TNRC6B: variants seen among roughly 807,000 people sequenced by gnomAD.
The protein encoded by TNRC6B is trinucleotide repeat containing adaptor 6B, also known as trinucleotide repeat-containing gene 6B protein.
A neutral mutation model predicts 203.6 loss-of-function variants in TNRC6B; 52 were observed. The observed-to-expected ratio is 0.26, with a 90% confidence interval of 0.20 to 0.32. The LOEUF (loss-of-function observed/expected upper bound fraction) is 0.32, where lower values mean the gene tolerates loss of function less well. Among genes scored for constraint, TNRC6B ranks in the 10% least tolerant of loss-of-function variants. The pLI is 1.00. For synonymous variants in TNRC6B, 838 were observed against 845.7 expected (o/e 0.99, Z 0.16); for missense variants, 1,923 against 2,286.2 (o/e 0.84, Z 3.24).
rs370694901 is a variant in TNRC6B, at chr22:40,178,188, C to A, written c.5+48C>A. 4 of 1,603,234 alleles carry A rather than the reference C, an allele frequency of 2.5e-6. No individual in the cohort carries two copies. In the African/African-American group the frequency reaches 4.0e-5, roughly 16 times the overall value. ...TTTTAACCAATTGATTTATATGGAT[C>A]TTGTCTAACCGTTTTCACTGGTGGT... On this transcript the variant is annotated intron_variant, in intron 1 of 22. Transcript: ENST00000454349.
chr22:40,179,257 A>G (rs1248090866), intron 1 of TNRC6B, among the ~76,000 whole-genome samples: 1 of 152,154 alleles, frequency 6.6e-6, no homozygotes, highest in Non-Finnish European at 1.5e-5. Flanking sequence ...TCCCCCTATC[A>G]TTGTGAGAGT....
intron 1 of TNRC6B, among the ~76,000 whole-genome samples, chr22:40,180,427 G>C (rs2069117039): frequency 6.6e-6 from 1 of 152,224 alleles, no homozygotes; most frequent in African/African-American, 2.4e-5. Context: ...AGGCAGAACA[G>C]AGAATGATAC....
At chr22:40,080,512 A>G (rs2068055765) in intron 1 of TNRC6B, among the ~76,000 whole-genome samples, 1 of 152,076 alleles carries the variant, frequency 6.6e-6, no homozygotes, top group Non-Finnish European at 1.5e-5. Context: ...TTAAATCCAC[A>G]TTTCTTATGA....
intron 12 of TNRC6B, among the ~76,000 whole-genome samples, chr22:40,297,386 T>C (rs1418536402): frequency 6.6e-6 from 1 of 152,106 alleles, no homozygotes; most frequent in Non-Finnish European, 1.5e-5. Context: ...AGTAGAATAA[T>C]AGGATCAACA....
At chr22:40,106,550 T>G (rs2068285171) in intron 1 of TNRC6B, 2 of 733,030 alleles carry the variant, frequency 2.7e-6, no homozygotes, top group Non-Finnish European at 5.0e-6. Flanking sequence ...AATCAAAGTG[T>G]TATCTGTCAA....
At chr22:40,086,253 C>CT (rs962078475) in intron 1 of TNRC6B, among the ~76,000 whole-genome samples, 1 of 152,112 alleles carries the variant, frequency 6.6e-6, no homozygotes, top group African/African-American at 2.4e-5. Context: ...GATTCTTTCT[C>CT]TTTTTTATCA....
At chr22:40,232,947 C>A (rs1458561382) in intron 1 of TNRC6B, among the ~76,000 whole-genome samples, 1 of 151,974 alleles carries the variant, frequency 6.6e-6, no homozygotes, top group Admixed American at 6.6e-5. Flanking sequence ...ATCAGGAGAT[C>A]AAGACCATCC....
intron 1 of TNRC6B, among the ~76,000 whole-genome samples, chr22:40,076,744 T>C (rs2068017570): frequency 6.6e-6 from 1 of 152,202 alleles, no homozygotes; most frequent in Admixed American, 6.5e-5. Context: ...TGAAAAGTCT[T>C]CCAGTAATAC....
chr22:40,320,001 T>C (rs1054878272), intron 21 of TNRC6B, among the ~76,000 whole-genome samples: 5 of 152,222 alleles, frequency 3.3e-5, no homozygotes, highest in African/African-American at 1.2e-4. Flanking sequence ...TTGTTACTTA[T>C]AAAACAATGC....
At chr22:40,221,371 G>C (rs964353246) in intron 1 of TNRC6B, among the ~76,000 whole-genome samples, 17 of 152,144 alleles carry the variant, frequency 1.1e-4, no homozygotes, top group Admixed American at 4.6e-4. Context: ...ATGCAGATAC[G>C]TTTAGTTGTT....
chr22:40,076,545 T>A (rs1181452198), intron 1 of TNRC6B, among the ~76,000 whole-genome samples: 4 of 152,208 alleles, frequency 2.6e-5, no homozygotes, highest in Admixed American at 6.5e-5. Flanking sequence ...TTTTCTGTTG[T>A]ATTGTTAAAG....
intron 1 of TNRC6B, among the ~76,000 whole-genome samples, chr22:40,116,291 C>T (rs2068387457): frequency 6.6e-6 from 1 of 152,208 alleles, no homozygotes; most frequent in Admixed American, 6.5e-5. Flanking sequence ...TTGCTTTGAG[C>T]ACCTACACAC....
Position 40,323,374 on chromosome 22 carries a change from A to G in TNRC6B, c.*133A>G, listed in dbSNP as rs1322253050. The G allele has an allele frequency of 4.1e-6, 5 of 1,217,346 alleles. No individual in the cohort carries two copies. The East Asian group carries it at 1.3e-4, about 31-fold the overall frequency. 75.4% of individuals were successfully genotyped at this position (1,217,346 alleles called of 1,614,324 possible). ...GAAAAAAGAAAACGGAGAGAAAAAAAGGTGGGTCATTGACAGACTGTCTGA... is the reference window on the plus strand; with the variant it reads ...GAAAAAAGAAAACGGAGAGAAAAAAGGGTGGGTCATTGACAGACTGTCTGA... On this transcript the variant is annotated 3_prime_UTR_variant, in exon 23 of 23. Coordinates refer to ENST00000454349, the MANE Select transcript of TNRC6B (RefSeq NM_001162501.2).
chr22:40,225,742 CAAAAAAAAAAAA>C (rs34769532), intron 1 of TNRC6B, among the ~76,000 whole-genome samples: 2 of 64,352 alleles, frequency 3.1e-5, no homozygotes, highest in African/African-American at 7.9e-5. Context: ...GACTCCGTCT[CAAAAAAAAAAAA>C]AAAAAAAAAA....
chr22:40,317,460 C>T (rs1334871991), intron 21 of TNRC6B, among the ~76,000 whole-genome samples: 2 of 152,210 alleles, frequency 1.3e-5, no homozygotes, highest in Non-Finnish European at 2.9e-5. Flanking sequence ...CGCCTGTAGT[C>T]CCAGCTACTC....
intron 1 of TNRC6B, among the ~76,000 whole-genome samples, chr22:40,210,298 T>A (rs925733500): frequency 6.6e-6 from 1 of 152,242 alleles, no homozygotes; most frequent in African/African-American, 2.4e-5. Context: ...AAGAAAAAGC[T>A]GTTGTCTCTC....
intron 1 of TNRC6B, among the ~76,000 whole-genome samples, chr22:40,047,780 C>G (rs1176338514): frequency 6.6e-6 from 1 of 152,028 alleles, no homozygotes; most frequent in Non-Finnish European, 1.5e-5. Context: ...TGCTCCAGTC[C>G]CGGGCTATTG....
chr22:40,132,969 A>AAAATATATATATATATATAT, intron 3 of TNRC6B, among the ~76,000 whole-genome samples: 1 of 78,190 alleles, frequency 1.3e-5, no homozygotes, highest in Non-Finnish European at 2.6e-5. Context: ...AAAAAAAAAA[A>AAAATATATATATATATATAT]ATATATATAT....
At position 40,103,674 on chromosome 22, in the gene TNRC6B, A is replaced by G. The variant is rs1444795589; in HGVS notation, c.-120-13381A>G. 2.0e-5 allele frequency among the ~76,000 whole-genome samples: 3 copies of G among 151,378 alleles called. No homozygotes were observed. The East Asian group carries it at 5.9e-4, about 30-fold the overall frequency. ...TTTTTACCTTTTGAGGTGGAGTCTCACTTTGTCACCCAGGCTGGAGTGCAG... is the reference window on the plus strand; with the variant it reads ...TTTTTACCTTTTGAGGTGGAGTCTCGCTTTGTCACCCAGGCTGGAGTGCAG... On this transcript the variant is annotated intron_variant, in intron 1 of 23. Transcript: ENST00000301923.
Sources: allele counts gnomAD v4.1 joint callset (sites outside exome capture counted in the v4.1 genomes callset), GRCh38; gene constraint gnomAD v4.1.1; transcripts MANE v1.5; gene names NCBI Gene and HGNC (gene_info 2026-07-23, HGNC 2026-07-21).